OGDH: variants seen among roughly 807,000 people sequenced by gnomAD.
The protein encoded by OGDH is 2-oxoglutarate dehydrogenase complex component E1.
A neutral mutation model predicts 116.6 loss-of-function variants in OGDH; 38 were observed. The ratio of observed to expected loss-of-function variants is 0.33; its 90% CI spans 0.25 to 0.43. The LOEUF (loss-of-function observed/expected upper bound fraction) is 0.43, where lower values mean the gene tolerates loss of function less well. Ranked by LOEUF, OGDH falls within the 20% of genes least tolerant of loss-of-function variation. The probability of loss-of-function intolerance (pLI) is 1.00; values close to 1 mark genes in which losing one functional copy is unlikely to be tolerated. For synonymous variants in OGDH, 488 were observed against 533.3 expected, an observed-to-expected ratio of 0.92 and a Z score of 1.17; for missense variants, 825 against 1,357.2, an observed-to-expected ratio of 0.61 and a Z score of 6.16.
At chr7:44,698,662 G>T (rs970692644) in intron 18 of OGDH, among the ~76,000 whole-genome samples, 5 of 151,992 alleles carry the variant, frequency 3.3e-5, no homozygotes, top group Middle Eastern at 6.8e-3. Context: ...GCAACATGGT[G>T]AGACCCCGTC....
At chr7:44,677,724 A>G (rs1787760796) in intron 9 of OGDH, among the ~76,000 whole-genome samples, 1 of 151,926 alleles carries the variant, frequency 6.6e-6, no homozygotes, top group African/African-American at 2.4e-5. Context: ...CAAAAAAAAA[A>G]TTAGCCGGGC....
At chr7:44,700,439 C>G (rs781398556) in intron 19 of OGDH, among the ~76,000 whole-genome samples, 170 bp downstream of exon 19, 1 of 152,226 alleles carries the variant, frequency 6.6e-6, no homozygotes, top group Non-Finnish European at 1.5e-5. Context: ...TCACTGCTGC[C>G]ATGAGGGAAC....
intron 10 of OGDH, among the ~76,000 whole-genome samples, chr7:44,685,607 GAC>G (rs1259809561): frequency 4.0e-5 from 6 of 151,714 alleles, no homozygotes; most frequent in Non-Finnish European, 7.4e-5. Context: ...ATATCTCTTT[GAC>G]ACCCTGCTTT....
chr7:44,657,994 G>A (rs1447744120), intron 4 of OGDH, among the ~76,000 whole-genome samples: 1 of 152,090 alleles, frequency 6.6e-6, no homozygotes, highest in Non-Finnish European at 1.5e-5. Flanking sequence ...ATTTTCCTTT[G>A]TGTGTCTGTT....
intron 2 of OGDH, among the ~76,000 whole-genome samples, chr7:44,629,107 A>C (rs1404623839): frequency 6.6e-6 from 1 of 152,142 alleles, no homozygotes. Context: ...TGACATCTTT[A>C]TTTATGTCTT....
chr7:44,700,609 G>T (rs1397520041), intron 19 of OGDH, among the ~76,000 whole-genome samples: 1 of 152,218 alleles, frequency 6.6e-6, no homozygotes. Flanking sequence ...AGAGAGGTGA[G>T]CCCTGGCAGA....
Position 44,692,272 on chromosome 7 carries a change from G to T in OGDH, c.1336-1553G>T, listed in dbSNP as rs866292946. 2.0e-5 allele frequency among the ~76,000 whole-genome samples: 3 copies of T among 152,204 alleles called. No homozygotes were observed. The South Asian group carries it at 6.2e-4, about 32-fold the overall frequency. On this transcript the variant is annotated intron_variant, in intron 10 of 22. Transcript: ENST00000222673. ...ACAAAAGAAATGTCCACCAACAGGA[G>T]AATGGATAAATACTCTGTGGGGTAT...
At chr7:44,651,134 C>T (rs1172761343) in intron 4 of OGDH, among the ~76,000 whole-genome samples, 1 of 152,242 alleles carries the variant, frequency 6.6e-6, no homozygotes, top group Non-Finnish European at 1.5e-5. Flanking sequence ...ACTGATGATG[C>T]TGCCCTGAAA....
At position 44,697,303 on chromosome 7, in the gene OGDH, C is replaced by T. The variant is rs893376006; in HGVS notation, c.2052-67C>T. The T allele has an allele frequency of 1.0e-5, 16 of 1,595,962 alleles. No homozygotes were observed. The highest frequency in any genetic ancestry group is 5.6e-5 in the South Asian group (5 of 89,040). The stretch of plus-strand genomic sequence containing the variant: ...GCATGGCATCTGCTGGTGCTTCGTG[C>T]GGGTCCCCAGCGTATTTGCTTGTCA... On this transcript the variant is annotated intron_variant, in intron 15 of 22. Coordinates refer to ENST00000222673, the MANE Select transcript of OGDH (RefSeq NM_002541.4). This position sits in a 1 kb window ranked among gnomAD's most constrained non-coding sequence, Gnocchi z 6.0.
At chr7:44,667,637 T>A (rs546959097) in intron 5 of OGDH, among the ~76,000 whole-genome samples, 1 of 152,354 alleles carries the variant, frequency 6.6e-6, no homozygotes, top group Non-Finnish European at 1.5e-5. Context: ...TTAGGCTACC[T>A]GTGTCTAGTT....
chr7:44,614,834 C>CTTTTT (rs201747358), intron 1 of OGDH, among the ~76,000 whole-genome samples: 29 of 111,146 alleles, frequency 2.6e-4, no homozygotes, highest in Non-Finnish European at 3.7e-4. Flanking sequence ...TCTTTTGGTT[C>CTTTTT]TTTTTTTTTT....
chr7:44,635,744 C>T (rs945042701), intron 2 of OGDH, among the ~76,000 whole-genome samples: 2 of 150,672 alleles, frequency 1.3e-5, no homozygotes, highest in Non-Finnish European at 3.0e-5. Context: ...CTCGCTCTGT[C>T]TCCAGGCTGG....
chr7:44,696,388 G>C, intron 13 of OGDH, 41 bp from the exon 14 acceptor site: 3 of 1,595,984 alleles, frequency 1.9e-6, no homozygotes, highest in Non-Finnish European at 2.6e-6. Flanking sequence ...CCCTGGAAAA[G>C]TAGAGCAGAT....
intron 2 of OGDH, among the ~76,000 whole-genome samples, chr7:44,637,812 CTG>C (rs1785740260): frequency 6.7e-6 from 1 of 149,302 alleles, no homozygotes. Flanking sequence ...GAGCCAGACT[CTG>C]TCTCAAAAAA....
chr7:44,673,095 G>T (rs905619186), intron 5 of OGDH, among the ~76,000 whole-genome samples: 5 of 152,058 alleles, frequency 3.3e-5, no homozygotes, highest in African/African-American at 7.2e-5. Flanking sequence ...ATCTGCTCAG[G>T]ATCCTGACTT....
At chr7:44,616,695 A>G (rs906107481) in intron 1 of OGDH, among the ~76,000 whole-genome samples, 14 of 143,810 alleles carry the variant, frequency 9.7e-5, no homozygotes, top group South Asian at 6.4e-4. Context: ...ATGTATATGT[A>G]TATATATACA....
chr7:44,691,684 A>G (rs114700446), intron 10 of OGDH, among the ~76,000 whole-genome samples: 2,352 of 152,216 alleles, frequency 0.015, 64 homozygotes, highest in African/African-American at 0.053. Context: ...AAAGATTAAT[A>G]TCCTAGGGAA....
At chr7:44,662,611 C>T (rs892179600) in intron 4 of OGDH, among the ~76,000 whole-genome samples, 2 of 152,048 alleles carry the variant, frequency 1.3e-5, no homozygotes, top group East Asian at 1.9e-4. Context: ...TACAGGCACG[C>T]ACCACCACGC....
At chr7:44,652,115 T>G (rs1050951422) in intron 4 of OGDH, among the ~76,000 whole-genome samples, 2 of 150,616 alleles carry the variant, frequency 1.3e-5, no homozygotes, top group Non-Finnish European at 3.0e-5. Context: ...AGAGATAAGT[T>G]TTTTTTTTTT....
Sources: allele counts gnomAD v4.1 joint callset (sites outside exome capture counted in the v4.1 genomes callset), GRCh38; gene constraint gnomAD v4.1.1; non-coding constraint Gnocchi (gnomAD v3.1); transcripts MANE v1.5; gene names NCBI Gene and HGNC (gene_info 2026-07-23, HGNC 2026-07-21).